ADGRB3: variants seen among roughly 807,000 people sequenced by gnomAD.
ADGRB3 encodes the protein adhesion G protein-coupled receptor B3.
In ADGRB3, 37 loss-of-function variants were observed where a neutral mutation model predicts 193.4. That is an observed-to-expected ratio of 0.19 (90% CI 0.15 to 0.25). ADGRB3 has a LOEUF of 0.25. Among genes scored for constraint, ADGRB3 ranks in the 10% least tolerant of loss-of-function variants. The pLI, the probability that ADGRB3 is intolerant of heterozygous loss-of-function variation, is 1.00. For missense variants in ADGRB3, 1,637 were observed against 1,852.9 expected, an observed-to-expected ratio of 0.88 and a Z score of 2.14; for synonymous variants, 690 against 644.2, an observed-to-expected ratio of 1.07 and a Z score of -1.08.
intron 23 of ADGRB3, chr6:69,332,009 T>C (rs1417848744): frequency 1.0e-6 from 1 of 985,394 alleles, no homozygotes. Flanking sequence ...TAGCTTTATA[T>C]TCACCATCTT....
chr6:68,894,818 G>C (rs1021793538), intron 3 of ADGRB3, among the ~76,000 whole-genome samples: 3 of 151,856 alleles, frequency 2.0e-5, no homozygotes, highest in African/African-American at 7.2e-5. Flanking sequence ...ATACAAGCTT[G>C]ATTTGTTACT....
At chr6:68,809,889 A>C (rs1767477341) in intron 3 of ADGRB3, among the ~76,000 whole-genome samples, 1 of 152,214 alleles carries the variant, frequency 6.6e-6, no homozygotes, top group Admixed American at 6.5e-5. Flanking sequence ...AAGTCACTGA[A>C]AATTTAATGT....
At chr6:68,850,059 A>T (rs1393574270) in intron 3 of ADGRB3, among the ~76,000 whole-genome samples, 1 of 149,906 alleles carries the variant, frequency 6.7e-6, no homozygotes, top group Non-Finnish European at 1.5e-5. Flanking sequence ...CTTCATTTTA[A>T]TAAGGCATGT....
At chr6:69,038,661 A>C (rs682128) in intron 13 of ADGRB3, among the ~76,000 whole-genome samples, 3,965 of 152,346 alleles carry the variant, frequency 0.026, 67 homozygotes, top group Non-Finnish European at 0.041. Flanking sequence ...ACTCTTCTTG[A>C]AAACTAAAAG....
At chr6:69,082,212 C>G (rs940518840) in intron 17 of ADGRB3, among the ~76,000 whole-genome samples, 2 of 151,988 alleles carry the variant, frequency 1.3e-5, no homozygotes, top group African/African-American at 4.8e-5. Context: ...CTGCCCCAAA[C>G]AGTGCTTTCC....
At chr6:69,084,145 T>G (rs3823070) in intron 17 of ADGRB3, among the ~76,000 whole-genome samples, 13,495 of 152,196 alleles carry the variant, frequency 0.089, 1,585 homozygotes, top group East Asian at 0.6. Context: ...GTGTTTGATC[T>G]TTCATCTTTT....
At chr6:68,865,398 T>G (rs529105) in intron 3 of ADGRB3, among the ~76,000 whole-genome samples, 67,991 of 151,950 alleles carry the variant, frequency 0.45, 16,560 homozygotes, top group East Asian at 0.6. Flanking sequence ...TCTGTCTTTC[T>G]TGCCTCACCT....
intron 3 of ADGRB3, among the ~76,000 whole-genome samples, chr6:68,898,724 A>G (rs1274178342): frequency 6.6e-6 from 1 of 152,134 alleles, no homozygotes; most frequent in Non-Finnish European, 1.5e-5. Context: ...TAACTAAGCT[A>G]TCAACAGGGA....
chr6:69,384,481 T>TA (rs923883301), intron 31 of ADGRB3, among the ~76,000 whole-genome samples: 11 of 151,990 alleles, frequency 7.2e-5, no homozygotes, highest in African/African-American at 2.7e-4. Context: ...CTTCATTACT[T>TA]AAAAAAGGAG....
intron 3 of ADGRB3, among the ~76,000 whole-genome samples, chr6:68,810,220 A>G (rs992520810): frequency 1.3e-5 from 2 of 152,178 alleles, no homozygotes; most frequent in African/African-American, 4.8e-5. Context: ...TGCTTTGGGA[A>G]GCTGTGATTC....
At chr6:68,874,852 T>C (rs775411025) in intron 3 of ADGRB3, among the ~76,000 whole-genome samples, 1 of 152,124 alleles carries the variant, frequency 6.6e-6, no homozygotes, top group Non-Finnish European at 1.5e-5. Context: ...AAAATCATGA[T>C]TCACAGAGTA....
chr6:68,860,653 C>T (rs1008800684), intron 3 of ADGRB3, among the ~76,000 whole-genome samples: 2 of 152,150 alleles, frequency 1.3e-5, no homozygotes, highest in Admixed American at 6.5e-5. Flanking sequence ...CACTGATAGA[C>T]ACTTAGGTTG....
At chr6:69,268,508 T>A (rs1278103437) in intron 20 of ADGRB3, among the ~76,000 whole-genome samples, 1 of 152,242 alleles carries the variant, frequency 6.6e-6, no homozygotes, top group African/African-American at 2.4e-5. Context: ...CTCTAACATT[T>A]TAAGGCAGCC....
chr6:68,958,167 C>G (rs1768131555), intron 8 of ADGRB3, among the ~76,000 whole-genome samples: 1 of 151,996 alleles, frequency 6.6e-6, no homozygotes, highest in Admixed American at 6.5e-5. Flanking sequence ...CACCACTGCA[C>G]TGCAGCCTGC....
At position 69,276,516 on chromosome 6, in the gene ADGRB3, T is replaced by A. The variant is rs898905178; in HGVS notation, c.2814+37290T>A. Among the ~76,000 whole-genome samples the A allele has an allele frequency of 2.0e-5, 3 of 152,286 alleles. No homozygotes were observed. The South Asian group carries it at 6.2e-4, about 32-fold the overall frequency. ...TGCAAGAAAGAAATGATCAAATAAA[T>A]TCCCATCAAGGTTTTCCACTTTTTG... On this transcript the variant is annotated intron_variant, in intron 20 of 31. Transcript: ENST00000370598.
chr6:69,044,465 T>C (rs559447211), intron 13 of ADGRB3, among the ~76,000 whole-genome samples: 29 of 152,344 alleles, frequency 1.9e-4, no homozygotes, highest in African/African-American at 7.0e-4. Flanking sequence ...CCTGCTTTGA[T>C]GTATCAAAGA....
At chr6:69,048,944 T>C (rs940372550) in intron 14 of ADGRB3, among the ~76,000 whole-genome samples, 1 of 152,108 alleles carries the variant, frequency 6.6e-6, no homozygotes, top group African/African-American at 2.4e-5. Flanking sequence ...TACTCACTTT[T>C]GCAGATGTCG....
At chr6:69,293,294 T>C (rs1767732662) in intron 20 of ADGRB3, among the ~76,000 whole-genome samples, 1 of 152,110 alleles carries the variant, frequency 6.6e-6, no homozygotes, top group African/African-American at 2.4e-5. Context: ...CTCTTACTTA[T>C]TAAGGAGTGG....
At chr6:68,651,148 C>T (rs1736682878) in intron 3 of ADGRB3, among the ~76,000 whole-genome samples, 1 of 152,156 alleles carries the variant, frequency 6.6e-6, no homozygotes, top group African/African-American at 2.4e-5. Context: ...GCTTCCTTTA[C>T]AGATATGTCA....
Sources: gnomAD v4.1 joint callset for allele counts (sites outside exome capture counted in the v4.1 genomes callset) on GRCh38, gnomAD v4.1.1 for gene constraint, MANE v1.5 for transcripts, NCBI Gene and HGNC (gene_info 2026-07-23, HGNC 2026-07-21) for gene names.